GOLGA8B: variants seen among roughly 807,000 people sequenced by gnomAD.
GOLGA8B encodes the protein golgin subfamily A member 8B.
In GOLGA8B, 1 loss-of-function variant was observed where a neutral mutation model predicts 15.6. The ratio of observed to expected loss-of-function variants is 0.06; its 90% CI spans 0.02 to 0.30. The LOEUF (loss-of-function observed/expected upper bound fraction) is 0.30. Ranked by LOEUF, GOLGA8B falls within the 10% of genes least tolerant of loss-of-function variation. The pLI, the probability that GOLGA8B is intolerant of heterozygous loss-of-function variation, is 1.00. For synonymous variants in GOLGA8B, 9 were observed against 80.3 expected (o/e 0.11, Z 4.75); for missense variants, 17 against 201.3 (o/e 0.08, Z 5.54).
Position 34,570,399 on chromosome 15 carries a change from A to G in GOLGA8B, c.-1123+13117T>C, listed in dbSNP as rs1054205634. ...TCTCCTCCAGCTTGCCCAGCCACAC[A>G]GGGAAAAAAACTCACTTAAACTGTC... On this transcript the variant is annotated intron_variant, in intron 1 of 23. Transcript: ENST00000683415. 2.2e-5 allele frequency among the ~76,000 whole-genome samples: 3 copies of G among 137,212 alleles called. No homozygotes were observed. The Admixed American group carries it at 2.3e-4, about 10-fold the overall frequency. 90.0% of individuals were successfully genotyped at this position (137,212 alleles called of 152,430 possible). A position where few individuals can be genotyped will look rare whatever the true frequency, so the allele number is the denominator to read the frequency against.
At chr15:34,575,874 G>C (rs1405474857) in intron 1 of GOLGA8B, among the ~76,000 whole-genome samples, 3 of 152,216 alleles carry the variant, frequency 2.0e-5, no homozygotes, top group Non-Finnish European at 4.4e-5. Context: ...TCTAAACTGG[G>C]AACAAGAAAG....
chr15:34,578,521 G>A (rs1296705394), intron 1 of GOLGA8B, among the ~76,000 whole-genome samples: 2 of 152,308 alleles, frequency 1.3e-5, no homozygotes, highest in Admixed American at 6.5e-5. Flanking sequence ...TCCAGCTCAG[G>A]CTCAAAGGCC....
intron 1 of GOLGA8B, among the ~76,000 whole-genome samples, chr15:34,581,806 C>G (rs1049500532): frequency 6.6e-6 from 1 of 152,138 alleles, no homozygotes; most frequent in Non-Finnish European, 1.5e-5. Flanking sequence ...ACAGTGGGGA[C>G]GGGCACAGAC....
chr15:34,576,332 CAAG>C (rs2140355322), intron 1 of GOLGA8B, among the ~76,000 whole-genome samples: 1 of 152,288 alleles, frequency 6.6e-6, no homozygotes, highest in East Asian at 1.9e-4. Flanking sequence ...CGCCTGTGAT[CAAG>C]AAGAAAACCA....
intron 1 of GOLGA8B, among the ~76,000 whole-genome samples, chr15:34,558,250 GTT>G (rs34414203): frequency 5.9e-4 from 15 of 25,288 alleles, no homozygotes; most frequent in African/African-American, 7.6e-4. Context: ...CTGGTCCTGG[GTT>G]TTTTTTTTTT....
At chr15:34,573,536 C>CAAAA (rs60984933) in intron 1 of GOLGA8B, among the ~76,000 whole-genome samples, 9 of 86,832 alleles carry the variant, frequency 1.0e-4, no homozygotes, top group East Asian at 4.6e-4. Context: ...GACTCCGTCT[C>CAAAA]AAAAAAAAAA....
At chr15:34,575,733 G>A (rs140180252) in intron 1 of GOLGA8B, among the ~76,000 whole-genome samples, 4 of 152,168 alleles carry the variant, frequency 2.6e-5, no homozygotes, top group African/African-American at 7.2e-5. Flanking sequence ...CCAACCTACC[G>A]TGGGGCTCTC....
intron 1 of GOLGA8B, among the ~76,000 whole-genome samples, chr15:34,576,900 A>G (rs1889098537): frequency 6.6e-6 from 1 of 152,180 alleles, no homozygotes; most frequent in Non-Finnish European, 1.5e-5. Context: ...TGGTGACTGC[A>G]CTGACTGACT....
At chr15:34,567,757 A>G (rs1808498) in intron 1 of GOLGA8B, among the ~76,000 whole-genome samples, 28 of 151,904 alleles carry the variant, frequency 1.8e-4, no homozygotes, top group African/African-American at 4.1e-4. Context: ...AAAAGTTACC[A>G]TACAGATTAC....
At chr15:34,575,152 G>C (rs114842135) in intron 1 of GOLGA8B, among the ~76,000 whole-genome samples, 5,843 of 150,862 alleles carry the variant, frequency 0.039, 379 homozygotes, top group African/African-American at 0.13. Flanking sequence ...GCACTAGCAA[G>C]GCTGGGACTT....
At chr15:34,577,377 C>T (rs1889110544) in intron 1 of GOLGA8B, among the ~76,000 whole-genome samples, 1 of 151,984 alleles carries the variant, frequency 6.6e-6, no homozygotes, top group South Asian at 2.1e-4. Flanking sequence ...TGCGGGAAAC[C>T]ATAAACGATA....
chr15:34,578,480 G>C (rs1039724685), intron 1 of GOLGA8B, among the ~76,000 whole-genome samples: 2 of 152,186 alleles, frequency 1.3e-5, no homozygotes, highest in Non-Finnish European at 2.9e-5. Context: ...CCCAGCAGGA[G>C]ACAGAGAGAA....
At chr15:34,580,887 G>A (rs924188264) in intron 1 of GOLGA8B, among the ~76,000 whole-genome samples, 1 of 152,182 alleles carries the variant, frequency 6.6e-6, no homozygotes, top group African/African-American at 2.4e-5. Context: ...CCCTACCTGT[G>A]TCTCCATGTT....
chr15:34,578,838 T>G (rs1021131364), intron 1 of GOLGA8B, among the ~76,000 whole-genome samples: 3 of 152,196 alleles, frequency 2.0e-5, no homozygotes, highest in African/African-American at 7.2e-5. Context: ...TTTTTTTCTC[T>G]TAATTTTGAT....
intron 1 of GOLGA8B, among the ~76,000 whole-genome samples, chr15:34,575,106 T>TAAAGAA (rs1889032027): frequency 7.2e-6 from 1 of 138,374 alleles, no homozygotes; most frequent in South Asian, 2.4e-4. Flanking sequence ...TAAATCCTTG[T>TAAAGAA]AAAAAAAAAA....
At chr15:34,563,161 CCTCTATCT>C (rs1317863861) in intron 1 of GOLGA8B, among the ~76,000 whole-genome samples, 1 of 101,626 alleles carries the variant, frequency 9.8e-6, no homozygotes, top group Non-Finnish European at 2.2e-5. Flanking sequence ...TATCCCCACC[CCTCTATCT>C]TATCTCTTTG....
intron 1 of GOLGA8B, chr15:34,582,757 C>G (rs1286753629): frequency 3.3e-5 from 5 of 152,202 alleles, no homozygotes; most frequent in African/African-American, 1.2e-4. Context: ...TACCAATGCC[C>G]GCCGCCCGAC....
chr15:34,567,989 C>T (rs1262136280), intron 1 of GOLGA8B, among the ~76,000 whole-genome samples: 7 of 151,044 alleles, frequency 4.6e-5, no homozygotes, highest in African/African-American at 1.5e-4. Context: ...TCAACTCATG[C>T]CCAGCTAACC....
chr15:34,564,050 T>C (rs1448612593), intron 1 of GOLGA8B, among the ~76,000 whole-genome samples: 1 of 136,230 alleles, frequency 7.3e-6, no homozygotes, highest in African/African-American at 2.6e-5. Flanking sequence ...CTGAAGGAGA[T>C]TTTTGCCCCC....
Sources: gnomAD v4.1 joint callset for allele counts (sites outside exome capture counted in the v4.1 genomes callset) on GRCh38, gnomAD v4.1.1 for gene constraint, MANE v1.5 for transcripts, NCBI Gene and HGNC (gene_info 2026-07-23, HGNC 2026-07-21) for gene names.